WDR35: variants seen among roughly 807,000 people sequenced by gnomAD.
WDR35 encodes WD repeat-containing protein 35.
Under a neutral mutation model 158.3 loss-of-function variants are expected in WDR35, and 118 were observed. The observed-to-expected ratio is 0.75, with a 90% CI of 0.64 to 0.87. The LOEUF (loss-of-function observed/expected upper bound fraction) is 0.87, where lower values mean the gene tolerates loss of function less well. Among genes scored for constraint, WDR35 ranks in the 40% least tolerant of loss-of-function variants. The probability of loss-of-function intolerance (pLI) is 0.00; values close to 1 mark genes in which losing one functional copy is unlikely to be tolerated. For missense variants in WDR35, 1,263 were observed against 1,405.8 expected (o/e 0.90, Z 1.62); for synonymous variants, 448 against 476.1 (o/e 0.94, Z 0.77).
intron 8 of WDR35, among the ~76,000 whole-genome samples, chr2:19,972,627 C>T (rs934711691): frequency 2.6e-5 from 4 of 151,684 alleles, no homozygotes; most frequent in African/African-American, 9.7e-5. Flanking sequence ...AGAGCATCTA[C>T]GTTCTACAGT....
At chr2:19,951,679 TA>T in intron 12 of WDR35, 195 bp from the exon 13 acceptor site, 1 of 477,562 alleles carries the variant, frequency 2.1e-6, no homozygotes, top group South Asian at 3.6e-5. Flanking sequence ...ACTAGTTATA[TA>T]AATGATACGT....
intron 7 of WDR35, 123 bp from the exon 8 acceptor site, chr2:19,973,831 G>C: frequency 7.4e-7 from 1 of 1,359,118 alleles, no homozygotes. Flanking sequence ...AACAGGGCTG[G>C]GTACAACGGC....
chr2:19,975,662 G>T lies in WDR35; in HGVS notation c.438C>A (p.Gly146=), dbSNP rs776993602. 6.2e-7 allele frequency: 1 copy of T among 1,613,846 alleles called. No individual in the cohort carries two copies. Among genetic ancestry groups the T allele is most frequent in the Non-Finnish European group, 8.5e-7 (1 of 1,179,938 alleles). Residue 146 remains glycine (G), a splice_region_variant and synonymous_variant, in exon 6 of 27, where the codon GGC becomes GGA. Transcript: ENST00000281405. The part of the protein sequence containing the change: ...DGAVIVGSVD[G]NRIWGKDLKG... ...TCAGGTCTTTTCCCCAAATACGATT[G>T]CCTAAAACAAAACATTATTAAAAGT...
In WDR35 at chr2:19,930,393, C is replaced by T. The variant is rs200042577; in HGVS notation, c.3121+3G>A. The T allele has an allele frequency of 2.5e-3, 4,053 of 1,614,120 alleles. 10 individuals carry two copies. The highest frequency in any genetic ancestry group is 3.0e-3 in the Non-Finnish European group (3,579 of 1,180,020). Reference sequence around the variant, plus strand: ...TACTATACACATTAGGTGACATGCCCACCTGTCTTCAGTGCAGTGTCCACA... The same window carrying T: ...TACTATACACATTAGGTGACATGCCTACCTGTCTTCAGTGCAGTGTCCACA... On this transcript the variant is annotated splice_donor_region_variant and intron_variant, in intron 25 of 26. Transcript: ENST00000281405.
At position 19,948,172 on chromosome 2, in the gene WDR35, ATATCT is replaced by A; in HGVS notation, c.1511_1515del (p.Lys504IlefsTer6). ...GTTTTTGCAAAACTTACCACAATCAATATCTTATCTGATGCAGTTATGGCACAAAT... is the reference window on the plus strand; with the variant it reads ...GTTTTTGCAAAACTTACCACAATCAATATCTGATGCAGTTATGGCACAAAT... On this transcript the variant is annotated frameshift_variant, in exon 14 of 27. Transcript: ENST00000281405. LOFTEE classifies it high-confidence loss of function. 6.2e-7 allele frequency: 1 copy of A among 1,608,526 alleles called. No individual in the cohort carries two copies.
chr2:19,936,464 C>A (rs977418775), intron 19 of WDR35, 99 bp from the exon 20 acceptor site: 36 of 1,542,788 alleles, frequency 2.3e-5, no homozygotes, highest in Non-Finnish European at 3.0e-5. Flanking sequence ...TGAGGCTACA[C>A]AGCAGTGGAC....
chr2:19,971,155 T>C (rs1672024545), intron 8 of WDR35, among the ~76,000 whole-genome samples: 1 of 152,220 alleles, frequency 6.6e-6, no homozygotes, highest in African/African-American at 2.4e-5. Context: ...ATCTATATCT[T>C]TTATTTGACA....
chr2:19,979,684 G>A (rs79913551), intron 4 of WDR35, among the ~76,000 whole-genome samples: 128 of 151,888 alleles, frequency 8.4e-4, no homozygotes, highest in East Asian at 5.4e-3. Flanking sequence ...TAACAGAATC[G>A]AGACTGAGAC....
At chr2:19,916,902 T>G (rs1670007697) in intron 25 of WDR35, among the ~76,000 whole-genome samples, 1 of 152,156 alleles carries the variant, frequency 6.6e-6, no homozygotes, top group African/African-American at 2.4e-5. Context: ...CCTCCTCAAG[T>G]GTGTCCCTGA....
In WDR35 at chr2:19,978,950, A is replaced by C; in HGVS notation, c.308-71T>G. The C allele has an allele frequency of 1.9e-6, 3 of 1,590,984 alleles. No homozygotes were observed. The Admixed American group carries it at 5.1e-5, about 27-fold the overall frequency. The stretch of plus-strand genomic sequence containing the variant: ...TATTAAATAGTAGTTAAGAATTGAA[A>C]GCATTCCATAAAGTACGCCATGGGA... On this transcript the variant is annotated intron_variant, in intron 4 of 26. Transcript: ENST00000281405.
At chr2:19,949,383 T>C (rs147870808) in intron 13 of WDR35, among the ~76,000 whole-genome samples, 2 of 152,224 alleles carry the variant, frequency 1.3e-5, no homozygotes, top group East Asian at 3.9e-4. Flanking sequence ...TGTAACATGA[T>C]TAGATTTATA....
At chr2:19,973,425 A>C (rs891683419) in intron 8 of WDR35, 138 bp downstream of exon 8, 2 of 853,522 alleles carry the variant, frequency 2.3e-6, no homozygotes, top group African/African-American at 1.8e-5. Context: ...AAATACAACA[A>C]AGATTTATAC....
chr2:19,967,415 C>T (rs1187403117), intron 9 of WDR35, among the ~76,000 whole-genome samples: 2 of 152,094 alleles, frequency 1.3e-5, no homozygotes, highest in Non-Finnish European at 2.9e-5. Flanking sequence ...AACCCCCTGC[C>T]AAATTTCCTC....
chr2:19,974,769 C>T (rs1672152466), intron 6 of WDR35, 136 bp from the exon 7 acceptor site: 1 of 785,054 alleles, frequency 1.3e-6, no homozygotes, highest in Non-Finnish European at 2.0e-6. Context: ...AGCTTAATCA[C>T]TTACTGGTAT....
chr2:19,933,476 A>G lies in WDR35; in HGVS notation c.2583T>C (p.Cys861=), dbSNP rs1458429983. 3.1e-6 allele frequency: 5 copies of G among 1,613,882 alleles called. No individual in the cohort carries two copies. Among genetic ancestry groups the G allele is most frequent in the Non-Finnish European group, 4.2e-6 (5 of 1,179,920 alleles). The part of the protein sequence containing the change: ...IAQMFVRVGM[C]EQAVTAFLKC... ...TCAAAAATGCAGTCACTGCTTGTTC[A>G]CACATTCCAACTCTGACAAACATTT... Residue 861 remains cysteine (C), a synonymous_variant, in exon 22 of 27, where the codon TGT becomes TGC. Transcript: ENST00000281405.
At position 19,990,084 on chromosome 2, in the gene WDR35, T is replaced by A; in HGVS notation, c.-69A>T. 3.1e-6 allele frequency: 5 copies of A among 1,595,668 alleles called. No homozygotes were observed. The highest frequency in any genetic ancestry group is 4.3e-6 in the Non-Finnish European group (5 of 1,169,908). On this transcript the variant is annotated 5_prime_UTR_variant, in exon 1 of 27. Transcript: ENST00000281405. ...ACAAGTAACGGTTCTACGTCTCCAA[T>A]CGGGAGTACCAGCAGCTCCGGAAAG... is the stretch of plus-strand genomic sequence containing the variant.
chr2:19,978,754 C>A lies in WDR35; in HGVS notation c.433G>T (p.Asp145Tyr), dbSNP rs1306462226. Residue 145 changes from aspartate (D) to tyrosine (Y), a missense_variant, in exon 5 of 27, where the codon GAT becomes TAT. Transcript: ENST00000281405. Reference sequence around the variant, plus strand: ...CTATGTCCAATCAATACATTACCATCCACTGAACCAACTATCACAGCCCCA... The same window carrying A: ...CTATGTCCAATCAATACATTACCATACACTGAACCAACTATCACAGCCCCA... ...EDGAVIVGSV[D>Y]GNRIWGKDLK... The A allele has an allele frequency of 6.2e-7, 1 of 1,613,766 alleles. No individual in the cohort carries two copies.
At chr2:19,967,732 A>G (rs1671903890) in intron 9 of WDR35, among the ~76,000 whole-genome samples, 2 of 152,098 alleles carry the variant, frequency 1.3e-5, no homozygotes, top group Non-Finnish European at 2.9e-5. Flanking sequence ...TTACTTTAAA[A>G]TAGTTTTAGA....
chr2:19,935,882 G>T (rs1670677253), intron 20 of WDR35, among the ~76,000 whole-genome samples: 1 of 151,848 alleles, frequency 6.6e-6, no homozygotes, highest in Non-Finnish European at 1.5e-5. Flanking sequence ...AAAAGCCAAT[G>T]ATTTCTGAAA....
Sources: allele counts gnomAD v4.1 joint callset (sites outside exome capture counted in the v4.1 genomes callset), GRCh38; gene constraint gnomAD v4.1.1; transcripts MANE v1.5; gene names NCBI Gene and HGNC (gene_info 2026-07-23, HGNC 2026-07-21).